Variants in ARHGAP15 observed in about 807,000 individuals in gnomAD.
ARHGAP15 encodes the protein rho GTPase-activating protein 15.
A neutral mutation model predicts 63.7 loss-of-function variants in ARHGAP15; 51 were observed. The observed-to-expected ratio is 0.80, with a 90% CI of 0.64 to 1.01. ARHGAP15 has a LOEUF of 1.01. Ranked by LOEUF, ARHGAP15 falls within the 50% of genes least tolerant of loss-of-function variation. The probability of loss-of-function intolerance (pLI) is 0.00; values close to 1 mark genes in which losing one functional copy is unlikely to be tolerated. For missense variants in ARHGAP15, 560 were observed against 564.6 expected (o/e 0.99, Z 0.08); for synonymous variants, 191 against 193.8 (o/e 0.99, Z 0.12).
At chr2:143,410,118 TATAA>T (rs1481573763) in intron 6 of ARHGAP15, among the ~76,000 whole-genome samples, 1 of 152,170 alleles carries the variant, frequency 6.6e-6, no homozygotes, top group Non-Finnish European at 1.5e-5. Flanking sequence ...AAGGGTACTA[TATAA>T]ATAAATAAAA....
intron 1 of ARHGAP15, among the ~76,000 whole-genome samples, chr2:143,132,092 T>A (rs1197368616): frequency 6.6e-6 from 1 of 152,226 alleles, no homozygotes; most frequent in Non-Finnish European, 1.5e-5. Flanking sequence ...AATAGATGTA[T>A]TTTAAAAGTC....
chr2:143,329,852 G>A (rs1371133370), intron 6 of ARHGAP15, among the ~76,000 whole-genome samples: 1 of 149,858 alleles, frequency 6.7e-6, no homozygotes, highest in East Asian at 2.0e-4. Context: ...TGAAGCTGTG[G>A]AGCCACTCTA....
intron 6 of ARHGAP15, among the ~76,000 whole-genome samples, chr2:143,386,605 C>T (rs1687298032): frequency 6.6e-6 from 1 of 152,106 alleles, no homozygotes; most frequent in Non-Finnish European, 1.5e-5. Context: ...AAAGGGCCAA[C>T]AGCACACACA....
intron 11 of ARHGAP15, chr2:143,571,956 AC>A (rs1251106445): frequency 6.6e-6 from 1 of 152,202 alleles, no homozygotes; most frequent in Non-Finnish European, 1.5e-5. Context: ...CCTCCTTGAC[AC>A]AGATCTCATG....
intron 6 of ARHGAP15, among the ~76,000 whole-genome samples, chr2:143,391,421 T>A (rs1266726156): frequency 6.6e-6 from 1 of 152,174 alleles, no homozygotes; most frequent in Non-Finnish European, 1.5e-5. Context: ...AGAGAAACAT[T>A]TATGCCATTA....
intron 1 of ARHGAP15, among the ~76,000 whole-genome samples, chr2:143,150,596 T>C (rs1689775681): frequency 6.6e-6 from 1 of 152,044 alleles, no homozygotes; most frequent in South Asian, 2.1e-4. Context: ...GTGAAGCCAG[T>C]CTTAAGTGAT....
At chr2:143,321,057 C>T (rs1021853510) in intron 6 of ARHGAP15, among the ~76,000 whole-genome samples, 16 of 152,194 alleles carry the variant, frequency 1.1e-4, no homozygotes, top group African/African-American at 3.9e-4. Flanking sequence ...CATGGGTACC[C>T]CTGGATGCCT....
intron 1 of ARHGAP15, among the ~76,000 whole-genome samples, chr2:143,154,064 T>TAAAATAC (rs1689981642): frequency 1.3e-5 from 2 of 151,626 alleles, no homozygotes; most frequent in Admixed American, 6.6e-5. Context: ...GACATATGGG[T>TAAAATAC]CTTCTTTTGG....
At chr2:143,278,172 C>T (rs1196190208) in intron 6 of ARHGAP15, among the ~76,000 whole-genome samples, 1 of 152,166 alleles carries the variant, frequency 6.6e-6, no homozygotes, top group Non-Finnish European at 1.5e-5. Flanking sequence ...TCTTCCTGTC[C>T]TGTCATCCCG....
At chr2:143,376,194 A>T (rs1277467662) in intron 6 of ARHGAP15, among the ~76,000 whole-genome samples, 1 of 152,226 alleles carries the variant, frequency 6.6e-6, no homozygotes, top group South Asian at 2.1e-4. Flanking sequence ...AGCCATTTTA[A>T]GATAGATTTA....
chr2:143,303,784 G>T (rs1297583272), intron 6 of ARHGAP15, among the ~76,000 whole-genome samples: 1 of 152,088 alleles, frequency 6.6e-6, no homozygotes, highest in Non-Finnish European at 1.5e-5. Flanking sequence ...CCATCAAAAA[G>T]TGGGCAAAGG....
chr2:143,349,110 C>A (rs546775714), intron 6 of ARHGAP15, among the ~76,000 whole-genome samples: 4 of 152,226 alleles, frequency 2.6e-5, no homozygotes, highest in East Asian at 1.9e-4. Context: ...TCCAAAGTTT[C>A]TTTTATTGAC....
At chr2:143,480,381 A>T (rs992055241) in intron 8 of ARHGAP15, among the ~76,000 whole-genome samples, 5 of 152,224 alleles carry the variant, frequency 3.3e-5, no homozygotes, top group Non-Finnish European at 7.3e-5. Context: ...TAATTGTATG[A>T]ATTTTCACTT....
chr2:143,534,077 C>A (rs915425658), intron 10 of ARHGAP15, among the ~76,000 whole-genome samples: 2 of 152,184 alleles, frequency 1.3e-5, no homozygotes, highest in African/African-American at 4.8e-5. Flanking sequence ...GAATTGTAAT[C>A]TCCATAATCC....
rs138754611 is a variant in ARHGAP15, at chr2:143,492,017, G to T, written c.826+4522G>T. Among the ~76,000 whole-genome samples the T allele has an allele frequency of 3.9e-3, 589 of 152,216 alleles. 6 individuals are homozygous for T. Among genetic ancestry groups the T allele is most frequent in the African/African-American group, 0.014 (562 of 41,506 alleles). On this transcript the variant is annotated intron_variant, in intron 9 of 13. Coordinates refer to ENST00000295095, the MANE Select transcript of ARHGAP15 (RefSeq NM_018460.4). Reference sequence around the variant, plus strand: ...CTGCCTCAGCTTCCTGAGTAGCTGGGACTATAGGTGCACACCACCACATCC... The same window carrying T: ...CTGCCTCAGCTTCCTGAGTAGCTGGTACTATAGGTGCACACCACCACATCC...
chr2:143,431,221 A>AAC (rs1385262905), intron 6 of ARHGAP15, among the ~76,000 whole-genome samples: 1 of 152,032 alleles, frequency 6.6e-6, no homozygotes. Context: ...TTCCTGTTCA[A>AAC]ACACACAGTC....
At chr2:143,206,375 T>C (rs1393889866) in intron 3 of ARHGAP15, among the ~76,000 whole-genome samples, 1 of 152,208 alleles carries the variant, frequency 6.6e-6, no homozygotes, top group Non-Finnish European at 1.5e-5. Flanking sequence ...ACAATGTTGC[T>C]AGTTGCAGAC....
intron 6 of ARHGAP15, chr2:143,343,987 G>C (rs1157323025): frequency 6.6e-6 from 1 of 152,074 alleles, no homozygotes; most frequent in Admixed American, 6.6e-5. Context: ...ATTATGGAAA[G>C]TAGTTAATGC....
chr2:143,309,704 A>G (rs1683347123), intron 6 of ARHGAP15, among the ~76,000 whole-genome samples: 1 of 152,050 alleles, frequency 6.6e-6, no homozygotes, highest in South Asian at 2.1e-4. Context: ...AATATTTTGT[A>G]TCAGATAACT....
Sources: gnomAD v4.1 joint callset for allele counts (sites outside exome capture counted in the v4.1 genomes callset) on GRCh38, gnomAD v4.1.1 for gene constraint, MANE v1.5 for transcripts, NCBI Gene and HGNC (gene_info 2026-07-23, HGNC 2026-07-21) for gene names.